TPD52: variants seen among roughly 807,000 people sequenced by gnomAD.
TPD52 encodes prostate and colon associated protein.
A neutral mutation model predicts 31.3 loss-of-function variants in TPD52; 17 were observed. The ratio of observed to expected loss-of-function variants is 0.54; its 90% CI spans 0.37 to 0.82. TPD52 has a LOEUF of 0.82. Among genes scored for constraint, TPD52 ranks in the 40% least tolerant of loss-of-function variants. TPD52 has a pLI of 0.00. For synonymous variants in TPD52, 83 were observed against 89.6 expected, an observed-to-expected ratio of 0.93 and a Z score of 0.42; for missense variants, 212 against 240.1, an observed-to-expected ratio of 0.88 and a Z score of 0.77.
chr8:80,051,425 T>C, intron 4 of TPD52, 102 bp downstream of exon 4: 2 of 1,072,304 alleles, frequency 1.9e-6, no homozygotes, highest in Middle Eastern at 2.0e-4. Context: ...CTAACAGGAG[T>C]AGCTAGCATC....
At position 80,052,242 on chromosome 8, in the gene TPD52, G is replaced by A. The variant is rs557117425; in HGVS notation, c.285-614C>T. ...ATTCTAGTGTGGTATCTGCTATCAC[G>A]CAAAGCTATAATTTACCACCTCCTT... On this transcript the variant is annotated intron_variant, in intron 3 of 7. Transcript: ENST00000518937. Among the ~76,000 whole-genome samples the A allele has an allele frequency of 5.3e-5, 8 of 152,148 alleles. No homozygotes were observed. The South Asian group carries it at 1.7e-3, about 32-fold the overall frequency.
intron 4 of TPD52, 37 bp from the exon 5 acceptor site, chr8:80,050,508 A>T: frequency 6.3e-7 from 1 of 1,580,356 alleles, no homozygotes; most frequent in Non-Finnish European, 8.6e-7. Context: ...AAAAGAAAGA[A>T]GTTCTGATAA....
At chr8:80,051,505 G>A in intron 4 of TPD52, 22 bp downstream of exon 4, 1 of 1,605,748 alleles carries the variant, frequency 6.2e-7, no homozygotes, top group Non-Finnish European at 8.5e-7. Flanking sequence ...TACTTAATGA[G>A]CAAGGAAAAA....
intron 1 of TPD52, among the ~76,000 whole-genome samples, chr8:80,071,606 C>T (rs1813793923): frequency 6.6e-6 from 1 of 152,142 alleles, no homozygotes; most frequent in South Asian, 2.1e-4. Flanking sequence ...CATTCCTCTC[C>T]TCCCTCCTGG....
At chr8:80,138,195 A>G (rs1809572185) in intron 1 of TPD52, among the ~76,000 whole-genome samples, 1 of 152,114 alleles carries the variant, frequency 6.6e-6, no homozygotes, top group African/African-American at 2.4e-5. Flanking sequence ...CGCTCGCCTC[A>G]GCCTCCCAAA....
chr8:80,165,957 T>C (rs1811684067), intron 1 of TPD52, among the ~76,000 whole-genome samples: 2 of 152,198 alleles, frequency 1.3e-5, no homozygotes, highest in Admixed American at 1.3e-4. Context: ...ACAAGTTAAA[T>C]ATTGTCTATA....
rs1047704998 is a variant in TPD52, at chr8:80,086,406, C to T, written c.20-21813G>A. Among the ~76,000 whole-genome samples, 5 of 151,884 alleles carry T rather than the reference C, an allele frequency of 3.3e-5. No individual in the cohort carries two copies. In the South Asian group the frequency reaches 6.2e-4, roughly 19 times the overall value. On this transcript the variant is annotated intron_variant, in intron 1 of 7. Coordinates refer to ENST00000518937, the MANE Select transcript of TPD52 (RefSeq NM_001025253.3). ...TGCTGGGATTACAGGTGTGAGCCAC[C>T]GAGCCTGACCGGAAGGTTCTAGTTT...
At chr8:80,127,939 T>C (rs1275375866) in intron 1 of TPD52, among the ~76,000 whole-genome samples, 1 of 152,082 alleles carries the variant, frequency 6.6e-6, no homozygotes, top group African/African-American at 2.4e-5. Context: ...AGCAATGGTT[T>C]TGTTTTTCAC....
intron 1 of TPD52, among the ~76,000 whole-genome samples, chr8:80,119,140 T>C (rs1172952950): frequency 1.3e-5 from 2 of 152,184 alleles, no homozygotes; most frequent in East Asian, 1.9e-4. Flanking sequence ...GAAAACATCA[T>C]GTGACGTGAA....
intron 1 of TPD52, among the ~76,000 whole-genome samples, chr8:80,129,166 T>A (rs1468673457): frequency 6.6e-6 from 1 of 152,096 alleles, no homozygotes; most frequent in East Asian, 1.9e-4. Context: ...AGTGAAAAAA[T>A]TATTGGTTGT....
Position 80,040,679 on chromosome 8 carries a change from C to T in TPD52, c.504+1941G>A, listed in dbSNP as rs577174929. ...TTCCTGGTTTTCCAATTTGCCATTT[C>T]AAAAATTAACACTTGGGGCAGATTT... is the stretch of plus-strand genomic sequence containing the variant. On this transcript the variant is annotated intron_variant, in intron 7 of 7. Coordinates refer to ENST00000518937, the MANE Select transcript of TPD52 (RefSeq NM_001025253.3). Among the ~76,000 whole-genome samples the T allele has an allele frequency of 7.2e-5, 11 of 152,230 alleles. No individual in the cohort carries two copies. The East Asian group carries it at 2.1e-3, about 29-fold the overall frequency.
At chr8:80,091,096 C>T (rs1307369730) in intron 1 of TPD52, among the ~76,000 whole-genome samples, 2 of 152,190 alleles carry the variant, frequency 1.3e-5, no homozygotes, top group Admixed American at 6.5e-5. Flanking sequence ...TAAGCCTGTA[C>T]CTGGGAAAGT....
intron 1 of TPD52, among the ~76,000 whole-genome samples, chr8:80,145,307 T>C (rs1810113699): frequency 6.6e-6 from 1 of 152,256 alleles, no homozygotes. Context: ...AATCCTAGCA[T>C]GTGGCCAGAA....
intron 1 of TPD52, among the ~76,000 whole-genome samples, chr8:80,121,148 T>C (rs1019368724): frequency 3.3e-5 from 5 of 151,904 alleles, no homozygotes; most frequent in African/African-American, 7.3e-5. Flanking sequence ...GGTTTTCCCT[T>C]CTTCTACCCA....
At chr8:80,059,898 T>A (rs60683704) in intron 2 of TPD52, among the ~76,000 whole-genome samples, 1 of 151,506 alleles carries the variant, frequency 6.6e-6, no homozygotes, top group East Asian at 1.9e-4. Context: ...CTGGCCAACA[T>A]GGTGAAACCT....
intron 1 of TPD52, among the ~76,000 whole-genome samples, chr8:80,069,420 G>A (rs553986291): frequency 5.3e-5 from 8 of 152,200 alleles, no homozygotes; most frequent in East Asian, 1.9e-4. Flanking sequence ...AGCTGTGATC[G>A]TGCCACTGCA....
intron 1 of TPD52, among the ~76,000 whole-genome samples, chr8:80,169,718 ATGTCTCCCCCGTCC>A (rs1168889837): frequency 6.6e-6 from 1 of 152,212 alleles, no homozygotes; most frequent in Non-Finnish European, 1.5e-5. Flanking sequence ...GTTTGTCGTC[ATGTCTCCCCCGTCC>A]TGCGTCGCCC....
intron 1 of TPD52, among the ~76,000 whole-genome samples, chr8:80,094,431 T>C (rs1332782376): frequency 2.5e-3 from 7 of 2,796 alleles, no homozygotes; most frequent in African/African-American, 4.8e-3. Flanking sequence ...AAGAAAATTT[T>C]ATATATATAT....
intron 1 of TPD52, chr8:80,080,437 A>C (rs1212557390): frequency 1.9e-6 from 3 of 1,614,054 alleles, no homozygotes; most frequent in Non-Finnish European, 2.5e-6. Flanking sequence ...ATATAAGTCC[A>C]TCTCTCTACA....
Sources: allele counts gnomAD v4.1 joint callset (sites outside exome capture counted in the v4.1 genomes callset), GRCh38; gene constraint gnomAD v4.1.1; transcripts MANE v1.5; gene names NCBI Gene and HGNC (gene_info 2026-07-23, HGNC 2026-07-21).